The following ASTN2 variants were observed in gnomAD, a reference collection of about 807,000 sequenced individuals.
The protein encoded by ASTN2 is astrotactin-2.
ASTN2 carries 54 observed loss-of-function variants against 139.8 expected under a neutral mutation model. That is an observed-to-expected ratio of 0.39 (90% CI 0.31 to 0.48). The LOEUF (loss-of-function observed/expected upper bound fraction) is 0.48. Among genes scored for constraint, ASTN2 ranks in the 20% least tolerant of loss-of-function variants. The pLI is 0.95. For synonymous variants in ASTN2, 756 were observed against 719.5 expected, an observed-to-expected ratio of 1.05 and a Z score of -0.81; for missense variants, 1,565 against 1,725.1, an observed-to-expected ratio of 0.91 and a Z score of 1.64.
intron 2 of ASTN2, among the ~76,000 whole-genome samples, chr9:117,280,090 A>G (rs1834290077): frequency 6.6e-6 from 1 of 152,036 alleles, no homozygotes; most frequent in Non-Finnish European, 1.5e-5. Context: ...TTTGTTGTTT[A>G]TGATCTTAAC....
chr9:116,525,480 C>A (rs1382584094), intron 19 of ASTN2, among the ~76,000 whole-genome samples: 1 of 152,192 alleles, frequency 6.6e-6, no homozygotes, highest in Non-Finnish European at 1.5e-5. Context: ...CTCATCCAGT[C>A]TGAGAGCCTT....
In ASTN2 at chr9:116,424,876, A is replaced by G. The variant is rs1847263628; in HGVS notation, c.*975T>C. On this transcript the variant is annotated 3_prime_UTR_variant, in exon 23 of 23. Transcript: ENST00000313400. The stretch of plus-strand genomic sequence containing the variant: ...AGTGCTAGGATTACAGGCATGAGCC[A>G]CTGTGCCTGGCAAGCAAATCCCATC... Among the ~76,000 whole-genome samples the G allele has an allele frequency of 6.6e-6, 1 of 152,128 alleles. No homozygotes were observed. The highest frequency in any genetic ancestry group is 1.5e-5 in the Non-Finnish European group (1 of 68,018).
chr9:116,595,683 G>A (rs1175625833), intron 19 of ASTN2, among the ~76,000 whole-genome samples: 1 of 151,946 alleles, frequency 6.6e-6, no homozygotes, highest in Non-Finnish European at 1.5e-5. Context: ...TGCTTGTGGT[G>A]TGACTGTCTT....
intron 16 of ASTN2, among the ~76,000 whole-genome samples, chr9:116,705,131 G>C (rs1047385614): frequency 6.6e-6 from 1 of 152,166 alleles, no homozygotes; most frequent in Non-Finnish European, 1.5e-5. Flanking sequence ...CCTGAGTTTA[G>C]TCCTGTTTCC....
intron 16 of ASTN2, among the ~76,000 whole-genome samples, chr9:116,669,809 AT>A (rs34822441): frequency 0.26 from 37,369 of 143,998 alleles, 4,991 homozygotes; most frequent in African/African-American, 0.39. Flanking sequence ...TATGTATTGT[AT>A]TTTTTTTTTT....
At chr9:116,536,170 C>G (rs570443935) in intron 19 of ASTN2, among the ~76,000 whole-genome samples, 1 of 151,886 alleles carries the variant, frequency 6.6e-6, no homozygotes, top group South Asian at 2.1e-4. Context: ...CTTGTGCATT[C>G]GTCACGTAGT....
rs73520334 is a variant in ASTN2 at position 116,426,027 on chromosome 9, G to A, written c.3844C>T (p.Arg1282Trp). ...RVSSHCSSLL[R>W]SAYIQSRVET... ...ACGCGGCTCTGGATGTAGGCACTCCGCAGGAGGCTGGAGCAGTGGCTACTC... is the reference window on the plus strand; with the variant it reads ...ACGCGGCTCTGGATGTAGGCACTCCACAGGAGGCTGGAGCAGTGGCTACTC... The change falls in exon 23 of 23, where the codon CGG (arginine) becomes TGG (tryptophan). Residue 1282 changes from arginine to tryptophan, a missense_variant. Coordinates refer to ENST00000313400, the MANE Select transcript of ASTN2 (RefSeq NM_001365068.1). 1 of 1,614,008 alleles carries A rather than the reference G, an allele frequency of 6.2e-7. No homozygotes were observed. The highest frequency in any genetic ancestry group is 8.5e-7 in the Non-Finnish European group (1 of 1,180,026).
intron 19 of ASTN2, among the ~76,000 whole-genome samples, chr9:116,533,529 T>C (rs1251630091): frequency 1.3e-5 from 2 of 152,262 alleles, no homozygotes; most frequent in African/African-American, 4.8e-5. Flanking sequence ...TTTTCAGAAA[T>C]GTCCCATCAA....
At chr9:116,746,280 G>A (rs774316483) in intron 13 of ASTN2, among the ~76,000 whole-genome samples, 5 of 151,730 alleles carry the variant, frequency 3.3e-5, no homozygotes, top group Non-Finnish European at 7.4e-5. Context: ...TAGAGATGGG[G>A]TTTCACTGTG....
chr9:117,366,656 C>G (rs1173645099), intron 1 of ASTN2, among the ~76,000 whole-genome samples: 1 of 152,130 alleles, frequency 6.6e-6, no homozygotes, highest in East Asian at 1.9e-4. Flanking sequence ...CATCTCATGA[C>G]CTCAGTATTG....
chr9:117,161,702 G>C lies in ASTN2; in HGVS notation c.1016-20224C>G, dbSNP rs144920949. Among the ~76,000 whole-genome samples, 448 of 152,102 alleles carry C rather than the reference G, an allele frequency of 2.9e-3. 2 individuals are homozygous for C. The highest frequency in any genetic ancestry group is 0.01 in the African/African-American group (424 of 41,528). ...AACCCCTGTGCAGGCTGAAGAGGAG[G>C]CTTCTCTAAAGACTCTTAAAGACTA... On this transcript the variant is annotated intron_variant, in intron 3 of 22. Transcript: ENST00000313400.
chr9:116,852,615 G>A (rs935227670), intron 11 of ASTN2, among the ~76,000 whole-genome samples: 1 of 152,118 alleles, frequency 6.6e-6, no homozygotes, highest in Non-Finnish European at 1.5e-5. Context: ...GCAGGGATCA[G>A]AGAGAAGCTG....
chr9:117,140,699 G>T (rs1006246025), intron 4 of ASTN2, among the ~76,000 whole-genome samples: 2 of 151,884 alleles, frequency 1.3e-5, no homozygotes, highest in Non-Finnish European at 2.9e-5. Flanking sequence ...AGGAGAAGAA[G>T]CAGCAGCAGA....
intron 5 of ASTN2, among the ~76,000 whole-genome samples, chr9:117,060,382 G>A (rs1332140900): frequency 1.4e-5 from 1 of 70,428 alleles, no homozygotes; most frequent in Admixed American, 1.7e-4. Flanking sequence ...AAGAAAGAAA[G>A]AAAGAAAGAA....
At chr9:117,240,933 C>T (rs916866801) in intron 2 of ASTN2, among the ~76,000 whole-genome samples, 1 of 152,198 alleles carries the variant, frequency 6.6e-6, no homozygotes, top group Non-Finnish European at 1.5e-5. Flanking sequence ...GGCTCACACT[C>T]TCTCAATGAC....
At chr9:117,100,428 A>G (rs1828948896) in intron 4 of ASTN2, among the ~76,000 whole-genome samples, 1 of 152,268 alleles carries the variant, frequency 6.6e-6, no homozygotes, top group Non-Finnish European at 1.5e-5. Flanking sequence ...TAAAAGTTCA[A>G]ATGAATTTCC....
At position 117,340,226 on chromosome 9, in the gene ASTN2, G is replaced by T. The variant is rs148206967; in HGVS notation, c.443-48713C>A. ...ATGCACCTATAATCCCAGCGACTCG[G>T]GAGGCTGAGGCAGGAGAATGGCTTG... On this transcript the variant is annotated intron_variant, in intron 1 of 22. Transcript: ENST00000313400. Among the ~76,000 whole-genome samples, 349 of 151,524 alleles carry T rather than the reference G, an allele frequency of 2.3e-3. 1 individual carries two copies. Among genetic ancestry groups the T allele is most frequent in the African/African-American group, 7.9e-3 (324 of 41,244 alleles).
At chr9:116,898,147 C>T (rs370796138) in intron 10 of ASTN2, among the ~76,000 whole-genome samples, 1 of 152,110 alleles carries the variant, frequency 6.6e-6, no homozygotes, top group Non-Finnish European at 1.5e-5. Flanking sequence ...TGGCTCGTGT[C>T]TGTAATCCCA....
chr9:117,113,630 T>C (rs1008532333), intron 4 of ASTN2, among the ~76,000 whole-genome samples: 1 of 151,926 alleles, frequency 6.6e-6, no homozygotes, highest in Non-Finnish European at 1.5e-5. Context: ...CGCTCCAGCC[T>C]GGGCAACAAG....
Sources: gnomAD v4.1 joint callset for allele counts (sites outside exome capture counted in the v4.1 genomes callset) on GRCh38, gnomAD v4.1.1 for gene constraint, MANE v1.5 for transcripts, NCBI Gene and HGNC (gene_info 2026-07-23, HGNC 2026-07-21) for gene names.